The following GRIA2 variants were observed in gnomAD, a reference collection of about 807,000 sequenced individuals.
GRIA2 encodes glutamate ionotropic receptor AMPA type subunit 2.
GRIA2 carries 14 observed loss-of-function variants against 97.3 expected under a neutral mutation model. That is an observed-to-expected ratio of 0.14 (90% confidence interval 0.10 to 0.23). The LOEUF is 0.23. Ranked by LOEUF, GRIA2 falls within the 10% of genes least tolerant of loss-of-function variation. The pLI is 1.00. For missense variants in GRIA2, 558 were observed against 1,069.8 expected, an observed-to-expected ratio of 0.52 and a Z score of 6.67; for synonymous variants, 412 against 387.8, an observed-to-expected ratio of 1.06 and a Z score of -0.73.
chr4:157,343,044 G>C (rs113583866), intron 12 of GRIA2, among the ~76,000 whole-genome samples: 1,990 of 152,136 alleles, frequency 0.013, 19 homozygotes, highest in Non-Finnish European at 0.02. Context: ...TAGTAGACAA[G>C]ACAAGAAAGC....
In GRIA2 at chr4:157,312,794, T is replaced by C. The variant is rs1734140311; in HGVS notation, c.585T>C (p.Leu195=). 1.2e-6 allele frequency: 2 copies of C among 1,611,444 alleles called. No homozygotes were observed. The highest frequency in any genetic ancestry group is 1.7e-6 in the Non-Finnish European group (2 of 1,178,090). The change falls in exon 4 of 16, where the codon CTT becomes CTC. Residue 195 remains leucine, a synonymous_variant. Coordinates refer to ENST00000264426, the MANE Select transcript of GRIA2 (RefSeq NM_001083619.3). Reference sequence around the variant, plus strand: ...AGAAAGATGAGATGTACCGATCACTTTTTCAAGATCTGGAGTTAAAAAAGG... The same window carrying C: ...AGAAAGATGAGATGTACCGATCACTCTTTCAAGATCTGGAGTTAAAAAAGG... ...NDKKDEMYRS[L]FQDLELKKER... is the part of the protein sequence containing the mutation.
intron 2 of GRIA2, among the ~76,000 whole-genome samples, chr4:157,222,372 T>A (rs778216495): frequency 1.1e-4 from 16 of 152,130 alleles, no homozygotes; most frequent in Non-Finnish European, 1.3e-4. Flanking sequence ...TGGGACAAGT[T>A]GTTGAAATGG....
intron 2 of GRIA2, among the ~76,000 whole-genome samples, chr4:157,250,164 A>C (rs1187062220): frequency 6.6e-6 from 1 of 152,130 alleles, no homozygotes; most frequent in African/African-American, 2.4e-5. Flanking sequence ...TAAGTTGAAG[A>C]TACAAGTATA....
chr4:157,309,351 T>G (rs1000905114), intron 3 of GRIA2, among the ~76,000 whole-genome samples: 8 of 145,074 alleles, frequency 5.5e-5, no homozygotes, highest in Admixed American at 3.5e-4. Flanking sequence ...ATTTCTTGGT[T>G]TTTTTTTTTT....
chr4:157,285,557 TTG>T (rs149477258), intron 2 of GRIA2, among the ~76,000 whole-genome samples: 15,208 of 147,066 alleles, frequency 0.1, 1,068 homozygotes, highest in Middle Eastern at 0.23. Flanking sequence ...CCTATAATAT[TTG>T]TGTGTGTGTG....
intron 3 of GRIA2, among the ~76,000 whole-genome samples, 186 bp downstream of exon 3, chr4:157,303,977 C>T (rs1428389757): frequency 6.6e-6 from 1 of 152,130 alleles, no homozygotes; most frequent in Non-Finnish European, 1.5e-5. Context: ...ACAACAACAA[C>T]AACTACAAAA....
At position 157,332,851 on chromosome 4, in the gene GRIA2, A is replaced by G; in HGVS notation, c.915A>G (p.Gln305=). Residue 305 remains glutamine (Q), a synonymous_variant, in exon 7 of 16, where the codon CAA becomes CAG. Coordinates refer to ENST00000264426, the MANE Select transcript of GRIA2 (RefSeq NM_001083619.3). ...CTGCTCTGACCTATGATGCCGTTCA[A>G]GTGATGACTGAAGCCTTCCGCAACC... ...YTSALTYDAV[Q]VMTEAFRNLR... 1 of 1,612,608 alleles carries G rather than the reference A, an allele frequency of 6.2e-7. No individual in the cohort carries two copies. The highest frequency in any genetic ancestry group is 2.2e-5 in the East Asian group (1 of 44,840).
intron 12 of GRIA2, among the ~76,000 whole-genome samples, chr4:157,355,781 T>TTA (rs1377263788): frequency 5.8e-5 from 3 of 51,568 alleles, no homozygotes; most frequent in African/African-American, 1.3e-4. Context: ...ATTTATATAT[T>TTA]TATATATATT....
At chr4:157,232,641 C>T (rs557031051) in intron 2 of GRIA2, among the ~76,000 whole-genome samples, 4 of 152,160 alleles carry the variant, frequency 2.6e-5, no homozygotes, top group African/African-American at 7.2e-5. Context: ...TACAAGGAAG[C>T]GCTGTATATA....
At chr4:157,298,916 G>A (rs752912621) in intron 2 of GRIA2, among the ~76,000 whole-genome samples, 1 of 151,960 alleles carries the variant, frequency 6.6e-6, no homozygotes, top group Non-Finnish European at 1.5e-5. Flanking sequence ...TTGTGGAAAG[G>A]GGTGAGACCA....
At chr4:157,255,358 G>C (rs549004405) in intron 2 of GRIA2, among the ~76,000 whole-genome samples, 1 of 152,058 alleles carries the variant, frequency 6.6e-6, no homozygotes, top group East Asian at 1.9e-4. Flanking sequence ...ACAGTGATGC[G>C]ATAAAAATAC....
rs528912204 is a variant in GRIA2, at chr4:157,259,394, A to G, written c.229+37587A>G. 3.3e-5 allele frequency among the ~76,000 whole-genome samples: 5 copies of G among 152,192 alleles called. No individual in the cohort carries two copies. The East Asian group carries it at 7.8e-4, about 24-fold the overall frequency. On this transcript the variant is annotated intron_variant, in intron 2 of 15. Coordinates refer to ENST00000264426, the MANE Select transcript of GRIA2 (RefSeq NM_001083619.3). The stretch of plus-strand genomic sequence containing the variant: ...TGAACAAATCATTTTGCTTGTTTGC[A>G]TGTTACTTTCTTTAGCTATGAAAGT...
intron 4 of GRIA2, among the ~76,000 whole-genome samples, chr4:157,313,831 T>C (rs961389876): frequency 6.6e-6 from 1 of 152,064 alleles, no homozygotes; most frequent in African/African-American, 2.4e-5. Context: ...ATCCTACCAT[T>C]GACCAGAAGC....
At chr4:157,267,413 A>AT (rs1319655850) in intron 2 of GRIA2, among the ~76,000 whole-genome samples, 1 of 150,818 alleles carries the variant, frequency 6.6e-6, no homozygotes, top group Non-Finnish European at 1.5e-5. Flanking sequence ...AAAAAAAAAA[A>AT]GTTAAAAAAC....
intron 2 of GRIA2, among the ~76,000 whole-genome samples, chr4:157,259,262 A>G (rs919467405): frequency 6.6e-6 from 1 of 152,006 alleles, no homozygotes; most frequent in Non-Finnish European, 1.5e-5. Flanking sequence ...GAGGAAGAGA[A>G]AATGTCTTTG....
intron 2 of GRIA2, among the ~76,000 whole-genome samples, chr4:157,237,693 G>T (rs1019024684): frequency 3.9e-5 from 6 of 152,140 alleles, no homozygotes; most frequent in African/African-American, 1.4e-4. Flanking sequence ...GAGATGTAAA[G>T]TCATGCAAGG....
At chr4:157,339,551 A>T (rs984477933) in intron 11 of GRIA2, among the ~76,000 whole-genome samples, 2 of 151,998 alleles carry the variant, frequency 1.3e-5, no homozygotes, top group Non-Finnish European at 2.9e-5. Context: ...ATTTTAAATC[A>T]GTTGACATAT....
intron 2 of GRIA2, among the ~76,000 whole-genome samples, chr4:157,302,311 A>T (rs1733651753): frequency 6.6e-6 from 1 of 152,148 alleles, no homozygotes; most frequent in African/African-American, 2.4e-5. Context: ...TCGAAAAGAT[A>T]TTACTGGATT....
Position 157,336,707 on chromosome 4 carries a change from T to C in GRIA2, c.1804T>C (p.Leu602=), listed in dbSNP as rs763093055. The C allele has an allele frequency of 4.3e-6, 7 of 1,613,048 alleles. No individual in the cohort carries two copies. The highest frequency in any genetic ancestry group is 1.7e-5 in the Admixed American group (1 of 59,932). Residue 602 remains leucine, a synonymous_variant, in exon 11 of 16, where the codon TTG becomes CTG. Coordinates refer to ENST00000264426, the MANE Select transcript of GRIA2 (RefSeq NM_001083619.3). The part of the protein sequence containing the change: ...FGIFNSLWFS[L]GAFMQQGCDI... ...GATTTTTAATAGTCTCTGGTTTTCC[T>C]TGGGTGCCTTTATGCAGCAAGGATG...
Sources: gnomAD v4.1 joint callset for allele counts (sites outside exome capture counted in the v4.1 genomes callset) on GRCh38, gnomAD v4.1.1 for gene constraint, MANE v1.5 for transcripts, NCBI Gene and HGNC (gene_info 2026-07-23, HGNC 2026-07-21) for gene names.